The following EML6 variants were observed in gnomAD, a reference collection of about 807,000 sequenced individuals.
EML6 encodes the protein echinoderm microtubule-associated protein-like 6.
EML6 carries 154 observed loss-of-function variants against 240.1 expected under a neutral mutation model. The ratio of observed to expected loss-of-function variants is 0.64; its 90% CI spans 0.56 to 0.73. The LOEUF (loss-of-function observed/expected upper bound fraction) is 0.73, where lower values mean the gene tolerates loss of function less well. Ranked by LOEUF, EML6 falls within the 30% of genes least tolerant of loss-of-function variation. The pLI is 0.00. For missense variants in EML6, 2,964 were observed against 2,474.6 expected (o/e 1.20, Z -4.20); for synonymous variants, 1,148 against 899.0 (o/e 1.28, Z -4.95).
intron 31 of EML6, 131 bp downstream of exon 31, chr2:54,952,823 G>C: frequency 1.6e-6 from 1 of 641,970 alleles, no homozygotes; most frequent in South Asian, 1.8e-5. Context: ...TTGATTTTTT[G>C]AGTCCTGAGT....
chr2:54,869,243 A>G lies in EML6; in HGVS notation c.2114A>G (p.His705Arg). ...FYTQAGEVVYHIAAVAVVYNR... is the reference protein window; with the variant it reads ...FYTQAGEVVYRIAAVAVVYNR... ...ACACAAGCTGGAGAAGTAGTCTACC[A>G]CATTGCTGCAGTTGCTGTCGTGTAT... Residue 705 changes from histidine to arginine, a missense_variant, in exon 15 of 42, where the codon CAC becomes CGC. Coordinates refer to ENST00000356458, the MANE Select transcript of EML6 (RefSeq NM_001039753.4). The G allele has an allele frequency of 6.4e-7, 1 of 1,551,754 alleles. No homozygotes were observed. Among genetic ancestry groups the G allele is most frequent in the Non-Finnish European group, 8.7e-7 (1 of 1,146,860 alleles).
At chr2:54,800,556 T>C (rs1419083913) in intron 2 of EML6, among the ~76,000 whole-genome samples, 1 of 152,114 alleles carries the variant, frequency 6.6e-6, no homozygotes, top group African/African-American at 2.4e-5. Context: ...CAAGCATGAA[T>C]TGACTTAGAG....
At chr2:54,954,653 A>T (rs1388729038) in intron 32 of EML6, among the ~76,000 whole-genome samples, 1 of 152,086 alleles carries the variant, frequency 6.6e-6, no homozygotes, top group Non-Finnish European at 1.5e-5. Flanking sequence ...TTATCTTACA[A>T]TCCAGGTTTA....
intron 2 of EML6, among the ~76,000 whole-genome samples, chr2:54,742,204 A>T (rs1309660875): frequency 6.6e-6 from 1 of 151,992 alleles, no homozygotes; most frequent in Non-Finnish European, 1.5e-5. Context: ...GGCCAACTCT[A>T]TTGCTTCTGG....
At chr2:54,888,847 C>T (rs1348490416) in intron 17 of EML6, among the ~76,000 whole-genome samples, 1 of 152,156 alleles carries the variant, frequency 6.6e-6, no homozygotes, top group Admixed American at 6.6e-5. Context: ...TCTGTGTGGA[C>T]ATAAGTTTTC....
intron 8 of EML6, among the ~76,000 whole-genome samples, chr2:54,847,191 G>A (rs1213038811): frequency 3.3e-5 from 5 of 152,112 alleles, no homozygotes; most frequent in Non-Finnish European, 7.4e-5. Flanking sequence ...GACAGGCGTT[G>A]AGCCATCATG....
chr2:54,772,681 G>A (rs1395565826), intron 2 of EML6, among the ~76,000 whole-genome samples: 1 of 152,150 alleles, frequency 6.6e-6, no homozygotes, highest in Non-Finnish European at 1.5e-5. Context: ...GTCAACAGTA[G>A]ATGGGAGAGG....
At chr2:54,887,033 G>A (rs887196314) in intron 17 of EML6, among the ~76,000 whole-genome samples, 7 of 152,144 alleles carry the variant, frequency 4.6e-5, no homozygotes, top group African/African-American at 1.7e-4. Context: ...CCATTATCTG[G>A]CAATTCTAAA....
chr2:54,859,177 T>G (rs892763611), intron 11 of EML6, among the ~76,000 whole-genome samples: 7 of 152,224 alleles, frequency 4.6e-5, no homozygotes, highest in African/African-American at 1.2e-4. Flanking sequence ...ATTTTCTGTT[T>G]CCCTGTTAAA....
Position 54,866,772 on chromosome 2 carries a change from AAAG to A in EML6, c.1944_1946del (p.Glu648del). Reference sequence around the variant, plus strand: ...GTTTCTGTTGTACTTTAAGGTTTACAAAGAAGATCTACCTCAGCTAAAGCAACA... The same window carrying A: ...GTTTCTGTTGTACTTTAAGGTTTACAAAGATCTACCTCAGCTAAAGCAACA... On this transcript the variant is annotated inframe_deletion, in exon 14 of 42. Transcript: ENST00000356458. 1 of 1,548,360 alleles carries A rather than the reference AAAG, an allele frequency of 6.5e-7. No individual in the cohort carries two copies. Among genetic ancestry groups the A allele is most frequent in the Non-Finnish European group, 8.7e-7 (1 of 1,144,158 alleles).
intron 25 of EML6, 114 bp from the exon 26 acceptor site, chr2:54,916,645 C>A: frequency 1.3e-6 from 1 of 795,030 alleles, no homozygotes; most frequent in Non-Finnish European, 1.9e-6. Context: ...CAGCACTCAA[C>A]ACAAATGCCT....
rs558900807 is a variant in EML6 at position 54,904,529 on chromosome 2, C to T, written c.3409+1027C>T. On this transcript the variant is annotated intron_variant, in intron 24 of 41. Coordinates refer to ENST00000356458, the MANE Select transcript of EML6 (RefSeq NM_001039753.4). Reference sequence around the variant, plus strand: ...TCTTGAGAGATAAGGAGAAATCCACCAGATAGCGCTATCAAGGAAGAGCCA... The same window carrying T: ...TCTTGAGAGATAAGGAGAAATCCACTAGATAGCGCTATCAAGGAAGAGCCA... 7.8e-4 allele frequency among the ~76,000 whole-genome samples: 119 copies of T among 152,200 alleles called. 2 individuals carry two copies. Among genetic ancestry groups the T allele is most frequent in the African/African-American group, 2.7e-3 (113 of 41,526 alleles).
At position 54,892,594 on chromosome 2, in the gene EML6, C is replaced by G. The variant is rs1469302578; in HGVS notation, c.2680C>G (p.Leu894Val). ...TGDIFIWKDI[L>V]LLKTVKAHDG... is the part of the protein sequence containing the mutation. The stretch of plus-strand genomic sequence containing the variant: ...AGATATTTTTATTTGGAAAGACATT[C>G]TACTACTGAAGACAGTGAAAGCTCA... The change falls in exon 19 of 42, where the codon CTA becomes GTA. Residue 894 changes from leucine (L) to valine (V), a missense_variant. Leu to Val is a conservative substitution (Grantham distance 32, BLOSUM62 1). Coordinates refer to ENST00000356458, the MANE Select transcript of EML6 (RefSeq NM_001039753.4). 5.8e-6 allele frequency: 9 copies of G among 1,551,614 alleles called. No individual in the cohort carries two copies. Among genetic ancestry groups the G allele is most frequent in the Admixed American group, 3.9e-5 (2 of 50,978 alleles).
rs191948266 is a variant in EML6, at chr2:54,831,700, C to T, written c.847+2223C>T. Among the ~76,000 whole-genome samples, 6 of 152,302 alleles carry T rather than the reference C, an allele frequency of 3.9e-5. No homozygotes were observed. In the East Asian group the frequency reaches 1.2e-3, roughly 29 times the overall value. ...CATCTTAGATGGCTTACTGATAAGG[C>T]GGTAGCCTGCATTTTGTAGGGAGAA... On this transcript the variant is annotated intron_variant, in intron 7 of 41. Coordinates refer to ENST00000356458, the MANE Select transcript of EML6 (RefSeq NM_001039753.4).
chr2:54,767,292 A>G (rs1361635342), intron 2 of EML6, among the ~76,000 whole-genome samples: 2 of 152,230 alleles, frequency 1.3e-5, no homozygotes, highest in African/African-American at 4.8e-5. Flanking sequence ...AGCCAGGGAA[A>G]AAATGCCTAG....
At chr2:54,763,521 G>A (rs1668061590) in intron 2 of EML6, among the ~76,000 whole-genome samples, 1 of 152,142 alleles carries the variant, frequency 6.6e-6, no homozygotes, top group Non-Finnish European at 1.5e-5. Context: ...TATCTTTTAA[G>A]TTAGCAATCT....
At chr2:54,895,103 C>T in intron 20 of EML6, 77 bp downstream of exon 20, 1 of 1,346,044 alleles carries the variant, frequency 7.4e-7, no homozygotes, top group Non-Finnish European at 1.0e-6. Context: ...TTTTAGAAAA[C>T]TATTAGCAAA....
intron 2 of EML6, among the ~76,000 whole-genome samples, chr2:54,782,903 A>G (rs1382764122): frequency 6.6e-6 from 1 of 152,216 alleles, no homozygotes. Context: ...AGAGAAGAAA[A>G]GGTTAGCACC....
intron 28 of EML6, among the ~76,000 whole-genome samples, chr2:54,942,788 C>G (rs571532054): frequency 1.3e-5 from 2 of 152,196 alleles, no homozygotes; most frequent in Non-Finnish European, 2.9e-5. Context: ...AGTGTCTTAA[C>G]CAGCTGTCCT....
Sources: gnomAD v4.1 joint callset for allele counts (sites outside exome capture counted in the v4.1 genomes callset) on GRCh38, gnomAD v4.1.1 for gene constraint, MANE v1.5 for transcripts, NCBI Gene and HGNC (gene_info 2026-07-23, HGNC 2026-07-21) for gene names.